KDM4C: variants seen among roughly 807,000 people sequenced by gnomAD.
KDM4C encodes lysine-specific demethylase 4C.
Under a neutral mutation model 129.3 loss-of-function variants are expected in KDM4C, and 81 were observed. The observed-to-expected ratio is 0.63, with a 90% CI of 0.52 to 0.75. The LOEUF is 0.75. KDM4C is among the 30% of genes least tolerant of loss of function. The pLI is 0.00. For missense variants in KDM4C, 1,457 were observed against 1,304.0 expected, an observed-to-expected ratio of 1.12 and a Z score of -1.81; for synonymous variants, 573 against 456.1, an observed-to-expected ratio of 1.26 and a Z score of -3.26.
chr9:7,098,887 T>G (rs1009616345), intron 17 of KDM4C, among the ~76,000 whole-genome samples: 2 of 148,194 alleles, frequency 1.3e-5, no homozygotes, highest in Non-Finnish European at 3.0e-5. Context: ...AACATAAATC[T>G]TACAGGTAGG....
chr9:7,055,994 G>C (rs1251168433), intron 17 of KDM4C, among the ~76,000 whole-genome samples: 2 of 152,156 alleles, frequency 1.3e-5, no homozygotes, highest in Non-Finnish European at 2.9e-5. Flanking sequence ...AAGGCAATCA[G>C]AAAAAGTCAG....
At chr9:6,856,828 G>A (rs1237413213) in intron 5 of KDM4C, among the ~76,000 whole-genome samples, 2 of 149,880 alleles carry the variant, frequency 1.3e-5, no homozygotes, top group African/African-American at 4.9e-5. Flanking sequence ...CGCAATCTCG[G>A]CTCACTGCAA....
intron 1 of KDM4C, among the ~76,000 whole-genome samples, chr9:6,770,757 G>A (rs1228545234): frequency 2.7e-5 from 3 of 110,300 alleles, no homozygotes; most frequent in Non-Finnish European, 5.9e-5. Context: ...TGGTTTTTGC[G>A]ATTTTGATCC....
At chr9:6,837,306 C>T (rs1198254196) in intron 4 of KDM4C, among the ~76,000 whole-genome samples, 2 of 152,178 alleles carry the variant, frequency 1.3e-5, no homozygotes, top group Non-Finnish European at 2.9e-5. Context: ...GATCGCCTGC[C>T]TCAGCCTTCC....
intron 15 of KDM4C, among the ~76,000 whole-genome samples, chr9:7,040,379 G>GTGTGTC (rs1554712812): frequency 1.1e-5 from 1 of 94,600 alleles, no homozygotes; most frequent in Admixed American, 1.2e-4. Flanking sequence ...CTGTGTGTGT[G>GTGTGTC]TGTGTGTGTG....
intron 8 of KDM4C, among the ~76,000 whole-genome samples, chr9:6,948,659 A>G (rs1205572254): frequency 6.6e-6 from 1 of 151,608 alleles, no homozygotes; most frequent in Non-Finnish European, 1.5e-5. Context: ...GTCCCTGGGT[A>G]CTTGAGATTA....
chr9:6,991,214 G>T (rs1818682314), intron 12 of KDM4C, among the ~76,000 whole-genome samples: 1 of 151,906 alleles, frequency 6.6e-6, no homozygotes, highest in African/African-American at 2.4e-5. Flanking sequence ...AAGCAGCTGG[G>T]ACCACAAGCA....
Position 6,834,487 on chromosome 9 carries a change from A to G in KDM4C, c.436-15020A>G, listed in dbSNP as rs180896432. 777 of 611,930 alleles carry G rather than the reference A, an allele frequency of 1.3e-3. 16 individuals are homozygous for G. In the East Asian group the frequency reaches 0.024, roughly 19 times the overall value. The allele number at this position is 611,930 out of a possible 1,614,324, so 37.9% of individuals were successfully genotyped here. A position where few individuals can be genotyped will look rare whatever the true frequency, so the allele number is the denominator to read the frequency against. ...GATGATATTGCTACGCCCGTCGTCG[A>G]CAACGGCTCCGGCATGTGGAAGGCT... On this transcript the variant is annotated intron_variant, in intron 4 of 21. Transcript: ENST00000381309.
At position 6,758,853 on chromosome 9, in the gene KDM4C, C is replaced by T. The variant is rs1214169924; in HGVS notation, c.-18+650C>T. Among the ~76,000 whole-genome samples the T allele has an allele frequency of 6.6e-6, 1 of 152,162 alleles. No individual in the cohort carries two copies. Among genetic ancestry groups the T allele is most frequent in the African/African-American group, 2.4e-5 (1 of 41,442 alleles). On this transcript the variant is annotated intron_variant, in intron 1 of 21. Transcript: ENST00000381309. The surrounding 1 kb of genome is among the most constrained non-coding windows in gnomAD (Gnocchi z 4.6). ...GGCGCGTGGACTGCCAGGCACAGAA[C>T]GTGGCGTGGAGTGGGGACGTGGAGG...
chr9:7,086,052 G>T (rs1187872876), intron 17 of KDM4C, among the ~76,000 whole-genome samples: 1 of 152,134 alleles, frequency 6.6e-6, no homozygotes, highest in Non-Finnish European at 1.5e-5. Flanking sequence ...CAGCTACTCG[G>T]GAGGCTGAGG....
chr9:6,884,032 A>T (rs1011960741), intron 6 of KDM4C, among the ~76,000 whole-genome samples: 1 of 152,186 alleles, frequency 6.6e-6, no homozygotes, highest in African/African-American at 2.4e-5. Context: ...CCCATTACAC[A>T]ACGCGCACCA....
chr9:6,797,621 A>C (rs1827999841), intron 2 of KDM4C, among the ~76,000 whole-genome samples: 1 of 152,192 alleles, frequency 6.6e-6, no homozygotes, highest in African/African-American at 2.4e-5. Context: ...CCCAACAGAA[A>C]TCTGAACATA....
At position 6,919,279 on chromosome 9, in the gene KDM4C, C is replaced by T. The variant is rs12684967; in HGVS notation, c.921+26047C>T. ...TCTTTCTTTCTTTCTTTCTGTCTCT[C>T]TCTCTCTCTTTCTTTCTTTCTTTCA... On this transcript the variant is annotated intron_variant, in intron 8 of 21. Coordinates refer to ENST00000381309, the MANE Select transcript of KDM4C (RefSeq NM_015061.6). Among the ~76,000 whole-genome samples, 3 of 117,594 alleles carry T rather than the reference C, an allele frequency of 2.6e-5. No individual in the cohort carries two copies. In the South Asian group the frequency reaches 7.0e-4, roughly 27 times the overall value. The allele number at this position is 117,594 out of a possible 152,430, so 77.1% of individuals were successfully genotyped here. A position where few individuals can be genotyped will look rare whatever the true frequency, so the allele number is the denominator to read the frequency against.
chr9:6,906,777 A>G (rs971866939), intron 8 of KDM4C, among the ~76,000 whole-genome samples: 1 of 151,896 alleles, frequency 6.6e-6, no homozygotes, highest in African/African-American at 2.4e-5. Context: ...TGGGTTACTA[A>G]AAGTGTTTGG....
chr9:7,145,040 T>G (rs575465703), intron 19 of KDM4C, among the ~76,000 whole-genome samples: 1 of 152,264 alleles, frequency 6.6e-6, no homozygotes, highest in Admixed American at 6.5e-5. Flanking sequence ...CCTGGCTGAT[T>G]GAGTTAAACC....
At chr9:6,739,634 T>A (rs1280789815) in intron 1 of KDM4C, among the ~76,000 whole-genome samples, 1 of 83,940 alleles carries the variant, frequency 1.2e-5, no homozygotes, top group Admixed American at 1.4e-4. Flanking sequence ...GCAGGGTAGA[T>A]TTTTTTTTTT....
intron 1 of KDM4C, among the ~76,000 whole-genome samples, chr9:6,742,236 G>A (rs750162760): frequency 4.7e-5 from 7 of 150,488 alleles, no homozygotes; most frequent in Non-Finnish European, 1.0e-4. Flanking sequence ...GGCTGGTCTC[G>A]AACTCCTGAC....
At chr9:7,149,927 A>T (rs1842575235) in intron 19 of KDM4C, among the ~76,000 whole-genome samples, 1 of 152,180 alleles carries the variant, frequency 6.6e-6, no homozygotes, top group African/African-American at 2.4e-5. Context: ...AGTAGTTTTT[A>T]TATTTGGAGC....
intron 19 of KDM4C, among the ~76,000 whole-genome samples, chr9:7,154,692 G>C (rs572491426): frequency 1.3e-5 from 2 of 152,166 alleles, no homozygotes; most frequent in Non-Finnish European, 2.9e-5. Flanking sequence ...ACTCCTATCA[G>C]TCCTTGAAGT....
Sources: gnomAD v4.1 joint callset for allele counts (sites outside exome capture counted in the v4.1 genomes callset) on GRCh38, gnomAD v4.1.1 for gene constraint, Gnocchi (gnomAD v3.1) non-coding constraint, MANE v1.5 for transcripts, NCBI Gene and HGNC (gene_info 2026-07-23, HGNC 2026-07-21) for gene names.